The following PSMA2 variants were observed in gnomAD, a reference collection of about 807,000 sequenced individuals.
The protein encoded by PSMA2 is proteasome 20S subunit alpha 2.
In PSMA2, 2 loss-of-function variants were observed where a neutral mutation model predicts 35.9. That is an observed-to-expected ratio of 0.06 (90% confidence interval 0.02 to 0.18). PSMA2 has a LOEUF of 0.18. Ranked by LOEUF, PSMA2 falls within the 10% of genes least tolerant of loss-of-function variation. The pLI is 1.00. For synonymous variants in PSMA2, 97 were observed against 98.2 expected, an observed-to-expected ratio of 0.99 and a Z score of 0.07; for missense variants, 126 against 278.8, an observed-to-expected ratio of 0.45 and a Z score of 3.90.
intron 1 of PSMA2, among the ~76,000 whole-genome samples, chr7:42,930,085 A>G (rs895980541): frequency 1.3e-5 from 2 of 152,172 alleles, no homozygotes; most frequent in Non-Finnish European, 2.9e-5. Flanking sequence ...AATGTAGTCC[A>G]CAAGAACTGT....
chr7:42,928,537 T>C (rs1786247785), intron 1 of PSMA2, among the ~76,000 whole-genome samples: 1 of 152,236 alleles, frequency 6.6e-6, no homozygotes, highest in African/African-American at 2.4e-5. Flanking sequence ...ACTGGCCTTT[T>C]AAAGTTATCC....
intron 6 of PSMA2, 44 bp downstream of exon 6, chr7:42,921,814 A>G (rs1480698342): frequency 1.3e-6 from 2 of 1,506,056 alleles, no homozygotes; most frequent in Admixed American, 1.8e-5. Flanking sequence ...CAAAAACCAT[A>G]AAGTGAGTTT....
chr7:42,921,989 G>A (rs1786135234), intron 5 of PSMA2, 58 bp from the exon 6 acceptor site: 2 of 1,290,976 alleles, frequency 1.5e-6, no homozygotes, highest in Non-Finnish European at 1.1e-6. Context: ...CAATTATATT[G>A]CCCTGCCATT....
intron 6 of PSMA2, 113 bp from the exon 7 acceptor site, chr7:42,917,948 T>C (rs1329343129): frequency 4.2e-6 from 3 of 706,958 alleles, no homozygotes; most frequent in Non-Finnish European, 6.8e-6. Flanking sequence ...TTAAAAATAC[T>C]AAATTACACA....
At position 42,921,225 on chromosome 7, in the gene PSMA2, G is replaced by A. The variant is rs1291126279; in HGVS notation, c.530+633C>T. On this transcript the variant is annotated intron_variant, in intron 6 of 7. Transcript: ENST00000223321. ...TTACCCTGATTTGACACTGTATACA[G>A]GTATCAAAATATCACATGTACTGCA... The A allele has an allele frequency of 2.0e-5, 3 of 152,172 alleles. No homozygotes were observed. The South Asian group carries it at 6.2e-4, about 31-fold the overall frequency. The allele number at this position is 152,172 out of a possible 1,614,324, so 9.4% of individuals were successfully genotyped here. A position where few individuals can be genotyped will look rare whatever the true frequency, so the allele number is the denominator to read the frequency against.
rs1269647503 is a variant in PSMA2 at position 42,917,504 on chromosome 7, C to CA, written c.*69dup. On this transcript the variant is annotated 3_prime_UTR_variant, in exon 8 of 8. Coordinates refer to ENST00000223321, the MANE Select transcript of PSMA2 (RefSeq NM_002787.5). Reference sequence around the variant, plus strand: ...ATAAGTATGCAAAAAGTCTGCAAAACAAAACATACTTTAAACATGTTTAAG... The same window carrying CA: ...ATAAGTATGCAAAAAGTCTGCAAAACAAAAACATACTTTAAACATGTTTAAG... The CA allele has an allele frequency of 1.1e-4, 142 of 1,246,828 alleles. No homozygotes were observed. The highest frequency in any genetic ancestry group is 1.5e-4 in the Non-Finnish European group (134 of 865,352). The allele number at this position is 1,246,828 out of a possible 1,614,324, so 77.2% of individuals were successfully genotyped here.
chr7:42,918,245 G>C (rs1786064776), intron 6 of PSMA2: 1 of 153,838 alleles, frequency 6.5e-6, no homozygotes, highest in Non-Finnish European at 1.4e-5. Context: ...GTGTCAGCCA[G>C]GATGGTCTCG....
chr7:42,917,743 T>A (rs995743334), intron 7 of PSMA2, 35 bp downstream of exon 7: 1 of 1,610,460 alleles, frequency 6.2e-7, no homozygotes, highest in Non-Finnish European at 8.5e-7. Flanking sequence ...AATCATGAAA[T>A]CATTATAAAT....
In PSMA2 at chr7:42,927,487, T is replaced by C. The variant is rs370932172; in HGVS notation, c.42-28A>G. ...TAAAAGAAACACAGGTATTTGTAAG[T>C]TCACATATCATCAAATATTTATTGT... is the stretch of plus-strand genomic sequence containing the variant. On this transcript the variant is annotated intron_variant, in intron 1 of 7. Transcript: ENST00000223321. 3.8e-6 allele frequency: 6 copies of C among 1,582,896 alleles called. No homozygotes were observed. In the East Asian group the frequency reaches 1.1e-4, roughly 29 times the overall value.
At chr7:42,928,538 A>G (rs1417015806) in intron 1 of PSMA2, among the ~76,000 whole-genome samples, 5 of 152,224 alleles carry the variant, frequency 3.3e-5, no homozygotes, top group Admixed American at 3.3e-4. Flanking sequence ...CTGGCCTTTT[A>G]AAGTTATCCT....
chr7:42,922,018 A>G, intron 5 of PSMA2, 87 bp from the exon 6 acceptor site: 1 of 1,013,756 alleles, frequency 9.9e-7, no homozygotes, highest in East Asian at 2.5e-5. Flanking sequence ...AGCTTTATTA[A>G]TTGTTCTCTA....
At chr7:42,923,747 C>T (rs1477060730) in intron 4 of PSMA2, among the ~76,000 whole-genome samples, 2 of 151,904 alleles carry the variant, frequency 1.3e-5, no homozygotes, top group East Asian at 1.9e-4. Context: ...AAAATGACAA[C>T]TTTCAGTTAA....
At position 42,919,202 on chromosome 7, in the gene PSMA2, T is replaced by C. The variant is rs959365802; in HGVS notation, c.531-1367A>G. 2.0e-5 allele frequency: 12 copies of C among 603,638 alleles called. 1 individual carries two copies. The highest frequency in any genetic ancestry group is 5.5e-5 in the African/African-American group (3 of 54,514). The allele number at this position is 603,638 out of a possible 1,614,324, so 37.4% of individuals were successfully genotyped here. A position where few individuals can be genotyped will look rare whatever the true frequency, so the allele number is the denominator to read the frequency against. On this transcript the variant is annotated intron_variant, in intron 6 of 7. Coordinates refer to ENST00000223321, the MANE Select transcript of PSMA2 (RefSeq NM_002787.5). The stretch of plus-strand genomic sequence containing the variant: ...TGCCAGGGAGATACAGGAGACTGGA[T>C]TGGAACAATTTTGGGTCATAAAGAT...
At chr7:42,919,308 A>C (rs1352801589) in intron 6 of PSMA2, 2 of 599,848 alleles carry the variant, frequency 3.3e-6, no homozygotes, top group South Asian at 2.8e-5. Context: ...GTGGGATGCT[A>C]TCCCAGGAGA....
Position 42,932,111 on chromosome 7 carries a change from T to A in PSMA2, c.41+7A>T. 1 of 1,614,104 alleles carries A rather than the reference T, an allele frequency of 6.2e-7. No individual in the cohort carries two copies. Among genetic ancestry groups the A allele is most frequent in the Non-Finnish European group, 8.5e-7 (1 of 1,180,024 alleles). On this transcript the variant is annotated splice_region_variant and intron_variant, in intron 1 of 7. Coordinates refer to ENST00000223321, the MANE Select transcript of PSMA2 (RefSeq NM_002787.5). ...TACGCTGAAGACCTCGAGGGCCCCT[T>A]CCATACCTGAATGTAGTCAGCGAAA...
At chr7:42,931,581 C>G (rs1786313262) in intron 1 of PSMA2, among the ~76,000 whole-genome samples, 1 of 151,978 alleles carries the variant, frequency 6.6e-6, no homozygotes, top group African/African-American at 2.4e-5. Context: ...GTTTTTAGTC[C>G]TTATGTTTCT....
chr7:42,929,428 C>T (rs1583609593), intron 1 of PSMA2, among the ~76,000 whole-genome samples: 1 of 152,124 alleles, frequency 6.6e-6, no homozygotes. Context: ...TAATAGCTAC[C>T]ATTTCTCTGT....
Position 42,923,298 on chromosome 7 carries a change from C to T in PSMA2, c.456+27G>A, listed in dbSNP as rs534621695. 2.0e-6 allele frequency: 3 copies of T among 1,527,110 alleles called. No homozygotes were observed. In the Admixed American group the frequency reaches 5.1e-5, roughly 26 times the overall value. The allele number at this position is 1,527,110 out of a possible 1,614,324, so 94.6% of individuals were successfully genotyped here. Reference sequence around the variant, plus strand: ...TATTCAAAGAGCACTTTTAACAAATCCCTCAAATACATTAAATGATACTTA... The same window carrying T: ...TATTCAAAGAGCACTTTTAACAAATTCCTCAAATACATTAAATGATACTTA... On this transcript the variant is annotated intron_variant, in intron 5 of 7. Coordinates refer to ENST00000223321, the MANE Select transcript of PSMA2 (RefSeq NM_002787.5).
chr7:42,917,878 C>A (rs1323198217), intron 6 of PSMA2, 43 bp from the exon 7 acceptor site: 2 of 1,311,450 alleles, frequency 1.5e-6, no homozygotes, highest in South Asian at 1.4e-5. Context: ...TGTTTATATT[C>A]TTTATAACTA....
Sources: allele counts gnomAD v4.1 joint callset (sites outside exome capture counted in the v4.1 genomes callset), GRCh38; gene constraint gnomAD v4.1.1; transcripts MANE v1.5; gene names NCBI Gene and HGNC (gene_info 2026-07-23, HGNC 2026-07-21).